Variants in NEXMIF observed in about 807,000 individuals in gnomAD.
The protein encoded by NEXMIF is neurite extension and migration factor, also known as XLMR protein related to neurite extension.
Under a neutral mutation model 62.1 loss-of-function variants are expected in NEXMIF, and 8 were observed. That is an observed-to-expected ratio of 0.13 (90% CI 0.08 to 0.23). The LOEUF is 0.23. Among genes scored for constraint, NEXMIF ranks in the 10% least tolerant of loss-of-function variants. The probability of loss-of-function intolerance (pLI) is 1.00; values close to 1 mark genes in which losing one functional copy is unlikely to be tolerated. For missense variants in NEXMIF, 976 were observed against 1,113.3 expected, an observed-to-expected ratio of 0.88 and a Z score of 1.75; for synonymous variants, 404 against 416.6, an observed-to-expected ratio of 0.97 and a Z score of 0.37.
At chrX:74,793,855 G>A (rs1440712864) in intron 1 of NEXMIF, among the ~76,000 whole-genome samples, 1 of 74,034 alleles carries the variant, frequency 1.4e-5, no homozygotes, top group African/African-American at 4.8e-5. Flanking sequence ...CTCTGTATTG[G>A]TTATTCTAGT....
chrX:74,744,222 C>A lies in NEXMIF; in HGVS notation c.335G>T (p.Trp112Leu). The change falls in exon 3 of 4, where the codon TGG becomes TTG. Residue 112 changes from tryptophan to leucine, a missense_variant. Around this residue, in one of 5 missense-constraint regions of NEXMIF, gnomAD observed 126 missense variants for 146.5 expected, o/e 0.86. Coordinates refer to ENST00000055682, the MANE Select transcript of NEXMIF (RefSeq NM_001008537.3). Reference sequence around the variant, plus strand: ...TTTCTCACATTCATTGGGAAGTGACCATGTGTTCAGGCCTTTTGCAATGCC... The same window carrying A: ...TTTCTCACATTCATTGGGAAGTGACAATGTGTTCAGGCCTTTTGCAATGCC... ...TSGIAKGLNT[W>L]SLPNECEKAP... The A allele has an allele frequency of 8.3e-7, 1 of 1,211,433 alleles. No homozygotes were observed. Among genetic ancestry groups the A allele is most frequent in the Non-Finnish European group, 1.1e-6 (1 of 895,462 alleles).
chrX:74,897,502 A>C (rs774730685), intron 1 of NEXMIF, among the ~76,000 whole-genome samples: 2 of 112,119 alleles, frequency 1.8e-5, no homozygotes, highest in East Asian at 5.6e-4. Context: ...TAGAAGAACT[A>C]CCTTTGATTT....
intron 1 of NEXMIF, among the ~76,000 whole-genome samples, chrX:74,886,202 G>C (rs1358413997): frequency 9.0e-6 from 1 of 111,617 alleles, no homozygotes; most frequent in Non-Finnish European, 1.9e-5. Context: ...ATACTGAATG[G>C]ACAAAAACTG....
intron 1 of NEXMIF, among the ~76,000 whole-genome samples, chrX:74,861,826 G>C (rs2080558674): frequency 1.8e-5 from 2 of 111,557 alleles, no homozygotes. Context: ...GACCTGCCTT[G>C]CAAGAACTCC....
rs776845564 is a variant in NEXMIF at position 74,742,800 on chromosome X, C to G, written c.1757G>C (p.Gly586Ala). ...CTGCTTCTTCTTCTTTTGCCAGAAG[C>G]CTTTCAAGGGTGCCAGCTTGGCATA... is the stretch of plus-strand genomic sequence containing the variant. ...NKYAKLAPLK[G>A]FWQKKKKQRN... The change falls in exon 3 of 4, where the codon GGC (glycine) becomes GCC (alanine). Residue 586 changes from glycine to alanine, a missense_variant. Transcript: ENST00000055682. 5.0e-6 allele frequency: 6 copies of G among 1,211,437 alleles called. No homozygotes were observed. The Admixed American group carries it at 1.1e-4, about 22-fold the overall frequency.
At chrX:74,779,364 A>C (rs192427302) in intron 1 of NEXMIF, among the ~76,000 whole-genome samples, 10 of 111,650 alleles carry the variant, frequency 9.0e-5, no homozygotes, top group African/African-American at 1.3e-4. Context: ...GGTTTCTGGT[A>C]GTAGGTGTCT....
At chrX:74,919,946 G>T (rs888621852) in intron 1 of NEXMIF, among the ~76,000 whole-genome samples, 2 of 110,963 alleles carry the variant, frequency 1.8e-5, no homozygotes, top group African/African-American at 6.6e-5. Flanking sequence ...CCCTACAAAG[G>T]ACATGAACTC....
Position 74,756,048 on chromosome X carries a change from G to T in NEXMIF, c.-47-10351C>A, listed in dbSNP as rs1452937901. Reference sequence around the variant, plus strand: ...GTGCCACCATACCCGACTAATTTTTGTATTTTTGTAGAGACGGGGTTTCAC... The same window carrying T: ...GTGCCACCATACCCGACTAATTTTTTTATTTTTGTAGAGACGGGGTTTCAC... On this transcript the variant is annotated intron_variant, in intron 1 of 3. Coordinates refer to ENST00000055682, the MANE Select transcript of NEXMIF (RefSeq NM_001008537.3). Among the ~76,000 whole-genome samples, 11 of 110,539 alleles carry T rather than the reference G, an allele frequency of 1.0e-4. No individual in the cohort carries two copies. In the East Asian group the frequency reaches 2.9e-3, roughly 29 times the overall value.
At chrX:74,851,267 A>G (rs770404218) in intron 1 of NEXMIF, among the ~76,000 whole-genome samples, 7 of 111,532 alleles carry the variant, frequency 6.3e-5, no homozygotes, top group African/African-American at 2.0e-4. Context: ...CAGTGTTCCA[A>G]AAGGTGAATA....
intron 1 of NEXMIF, among the ~76,000 whole-genome samples, chrX:74,875,445 C>G (rs2080626823): frequency 8.9e-6 from 1 of 111,829 alleles, no homozygotes; most frequent in African/African-American, 3.3e-5. Flanking sequence ...GGATATTGGT[C>G]TAAAATTCTC....
At chrX:74,783,981 C>A (rs1265953632) in intron 1 of NEXMIF, among the ~76,000 whole-genome samples, 1 of 111,195 alleles carries the variant, frequency 9.0e-6, no homozygotes, top group African/African-American at 3.3e-5. Flanking sequence ...AATGCCTGAG[C>A]TTCCTTTCTA....
intron 2 of NEXMIF, 22 bp from the exon 3 acceptor site, chrX:74,744,499 G>C (rs1163324975): frequency 8.9e-7 from 1 of 1,118,856 alleles, no homozygotes; most frequent in Non-Finnish European, 1.2e-6. Context: ...GGAAAGAAAT[G>C]ACAGGAATAA....
chrX:74,915,227 A>G (rs1238022933), intron 1 of NEXMIF, among the ~76,000 whole-genome samples: 3 of 111,868 alleles, frequency 2.7e-5, no homozygotes, highest in Admixed American at 1.9e-4. Flanking sequence ...TCTTGAGTCC[A>G]GGAGTTCAAG....
intron 1 of NEXMIF, among the ~76,000 whole-genome samples, chrX:74,857,267 C>T (rs1043973125): frequency 1.8e-5 from 2 of 112,168 alleles, no homozygotes; most frequent in African/African-American, 6.5e-5. Flanking sequence ...CCTTCCTCTT[C>T]AGGAGAGGAG....
At chrX:74,845,509 G>A (rs1386851336) in intron 1 of NEXMIF, among the ~76,000 whole-genome samples, 2 of 111,033 alleles carry the variant, frequency 1.8e-5, no homozygotes, top group East Asian at 2.8e-4. Context: ...GTATATTTAC[G>A]GGAGGGTGCA....
At chrX:74,792,899 A>C (rs1181299366) in intron 1 of NEXMIF, among the ~76,000 whole-genome samples, 1 of 104,664 alleles carries the variant, frequency 9.6e-6, no homozygotes, top group Non-Finnish European at 2.0e-5. Flanking sequence ...TCCTGAATAC[A>C]GTACACTGAT....
intron 1 of NEXMIF, among the ~76,000 whole-genome samples, chrX:74,779,672 C>T (rs1173733040): frequency 8.9e-6 from 1 of 112,068 alleles, no homozygotes; most frequent in African/African-American, 3.2e-5. Flanking sequence ...AAGGCCCAGC[C>T]CACCTTGACC....
intron 1 of NEXMIF, among the ~76,000 whole-genome samples, chrX:74,885,098 C>A (rs757003281): frequency 9.1e-6 from 1 of 109,945 alleles, no homozygotes; most frequent in African/African-American, 3.3e-5. Context: ...TTGAAACCAA[C>A]GAGAACAAAG....
chrX:74,924,800 T>G (rs2080838532), intron 1 of NEXMIF, 83 bp downstream of exon 1: 1 of 113,970 alleles, frequency 8.8e-6, no homozygotes, highest in African/African-American at 3.2e-5. Context: ...CCCAGTTCAT[T>G]CCACCCCCTG....
Sources: gnomAD v4.1 joint callset for allele counts (sites outside exome capture counted in the v4.1 genomes callset) on GRCh38, gnomAD v4.1.1 for gene constraint, gnomAD v4.1.1 regional missense constraint, MANE v1.5 for transcripts, NCBI Gene and HGNC (gene_info 2026-07-23, HGNC 2026-07-21) for gene names.